The following UBTD1 variants were observed in gnomAD, a reference collection of about 807,000 sequenced individuals.
The protein encoded by UBTD1 is ubiquitin domain-containing protein 1.
Under a neutral mutation model 21.7 loss-of-function variants are expected in UBTD1, and 19 were observed. That is an observed-to-expected ratio of 0.87 (90% CI 0.61 to 1.28). The LOEUF (loss-of-function observed/expected upper bound fraction) is 1.28. Among genes scored for constraint, UBTD1 ranks in the 50% most tolerant of loss-of-function variants. The pLI is 0.00. For synonymous variants in UBTD1, 116 were observed against 135.1 expected, an observed-to-expected ratio of 0.86 and a Z score of 0.98; for missense variants, 282 against 315.1, an observed-to-expected ratio of 0.89 and a Z score of 0.80.
At chr10:97,539,723 A>G (rs11189270) in intron 1 of UBTD1, among the ~76,000 whole-genome samples, 95,612 of 152,012 alleles carry the variant, frequency 0.63, 31,086 homozygotes, top group Non-Finnish European at 0.73. Context: ...CATGGAGGGA[A>G]GTGGGGCTGT....
chr10:97,512,122 C>T (rs1360678623), intron 1 of UBTD1, among the ~76,000 whole-genome samples: 2 of 152,276 alleles, frequency 1.3e-5, no homozygotes, highest in Non-Finnish European at 1.5e-5. Flanking sequence ...TTCAGAGTGA[C>T]GGACTGAATA....
At position 97,509,673 on chromosome 10, in the gene UBTD1, C is replaced by T. The variant is rs116946878; in HGVS notation, c.70+10400C>T. Among the ~76,000 whole-genome samples the T allele has an allele frequency of 6.5e-3, 986 of 152,250 alleles. 36 individuals are homozygous for T. The East Asian group carries it at 0.091, about 14-fold the overall frequency. On this transcript the variant is annotated intron_variant, in intron 1 of 2. Coordinates refer to ENST00000370664, the MANE Select transcript of UBTD1 (RefSeq NM_024954.5). ...CCTTTTTTTTCCCCCCACCCTGAGA[C>T]GGAGTCCTGCTCTGTTGCTCAGGCT...
chr10:97,554,582 A>C (rs1382290267), intron 1 of UBTD1, among the ~76,000 whole-genome samples: 1 of 151,140 alleles, frequency 6.6e-6, no homozygotes, highest in Non-Finnish European at 1.5e-5. Flanking sequence ...ACAGGGTCTC[A>C]CTGTGTCACC....
At chr10:97,538,397 G>C (rs900603153) in intron 1 of UBTD1, among the ~76,000 whole-genome samples, 3 of 152,068 alleles carry the variant, frequency 2.0e-5, no homozygotes, top group Non-Finnish European at 4.4e-5. Flanking sequence ...TTATACATTT[G>C]TATGTTTTTA....
chr10:97,566,757 T>C (rs1344281045), intron 1 of UBTD1, among the ~76,000 whole-genome samples: 1 of 152,186 alleles, frequency 6.6e-6, no homozygotes, highest in Non-Finnish European at 1.5e-5. Flanking sequence ...CAGCCTCAGT[T>C]CTTCCACTCA....
intron 1 of UBTD1, among the ~76,000 whole-genome samples, chr10:97,537,051 C>G (rs2040566049): frequency 6.6e-6 from 1 of 152,074 alleles, no homozygotes; most frequent in African/African-American, 2.4e-5. Context: ...TGAGGGAGCC[C>G]ACTTTAGTTA....
At chr10:97,523,205 G>A (rs535039113) in intron 1 of UBTD1, among the ~76,000 whole-genome samples, 235 of 152,228 alleles carry the variant, frequency 1.5e-3, no homozygotes, top group African/African-American at 5.4e-3. Context: ...TATCTTTTGC[G>A]GGAAGTGACA....
chr10:97,543,325 A>T (rs1269499286), intron 1 of UBTD1, among the ~76,000 whole-genome samples: 1 of 152,194 alleles, frequency 6.6e-6, no homozygotes, highest in Non-Finnish European at 1.5e-5. Context: ...AGAGGAAGGG[A>T]TGAGTCAGGC....
At chr10:97,541,030 A>G (rs1358873579) in intron 1 of UBTD1, among the ~76,000 whole-genome samples, 1 of 152,088 alleles carries the variant, frequency 6.6e-6, no homozygotes, top group Non-Finnish European at 1.5e-5. Context: ...GGTAGGCATG[A>G]CGGGGTCTGG....
chr10:97,562,915 A>AT (rs2040699651), intron 1 of UBTD1, among the ~76,000 whole-genome samples: 1 of 152,082 alleles, frequency 6.6e-6, no homozygotes, highest in African/African-American at 2.4e-5. Flanking sequence ...GGCAGCGAAA[A>AT]TTTTGGGGGG....
intron 1 of UBTD1, among the ~76,000 whole-genome samples, chr10:97,509,673 CG>C (rs2040414141): frequency 1.3e-5 from 2 of 152,132 alleles, no homozygotes; most frequent in Non-Finnish European, 2.9e-5. Context: ...CACCCTGAGA[CG>C]GAGTCCTGCT....
At chr10:97,514,656 G>A (rs185124735) in intron 1 of UBTD1, among the ~76,000 whole-genome samples, 1 of 152,260 alleles carries the variant, frequency 6.6e-6, no homozygotes, top group African/African-American at 2.4e-5. Flanking sequence ...ACCGGGGCAA[G>A]GTCGTCTTAT....
intron 1 of UBTD1, among the ~76,000 whole-genome samples, chr10:97,541,722 T>C (rs2040587886): frequency 6.8e-6 from 1 of 147,668 alleles, no homozygotes; most frequent in African/African-American, 2.5e-5. Context: ...ACCTAGGTCC[T>C]CTCTGATTTT....
chr10:97,504,689 G>A (rs532459892), intron 1 of UBTD1, among the ~76,000 whole-genome samples: 7 of 152,334 alleles, frequency 4.6e-5, no homozygotes, highest in African/African-American at 1.4e-4. Context: ...GCAGTGCCTG[G>A]TAAATAGTTG....
chr10:97,550,891 C>T (rs772977920), intron 1 of UBTD1, among the ~76,000 whole-genome samples: 18 of 152,196 alleles, frequency 1.2e-4, no homozygotes, highest in Non-Finnish European at 2.5e-4. Flanking sequence ...CAAACCACAG[C>T]ATCCACCATC....
chr10:97,550,335 T>C (rs551250204), intron 1 of UBTD1, among the ~76,000 whole-genome samples: 6 of 152,314 alleles, frequency 3.9e-5, no homozygotes, highest in African/African-American at 1.4e-4. Flanking sequence ...GTGGCCTGAC[T>C]GGGGAAATCT....
chr10:97,541,581 C>T (rs2040587270), intron 1 of UBTD1, among the ~76,000 whole-genome samples: 1 of 152,182 alleles, frequency 6.6e-6, no homozygotes, highest in South Asian at 2.1e-4. Flanking sequence ...CCACACAGCA[C>T]TGCAGTCCTC....
At chr10:97,552,392 CCTTTTTTT>C (rs1564743059) in intron 1 of UBTD1, among the ~76,000 whole-genome samples, 1 of 42,854 alleles carries the variant, frequency 2.3e-5, no homozygotes, top group Non-Finnish European at 6.5e-5. Context: ...AATTATACAC[CCTTTTTTT>C]TTTTTTTTTT....
At chr10:97,563,172 T>TATTA (rs1319736426) in intron 1 of UBTD1, among the ~76,000 whole-genome samples, 2 of 151,930 alleles carry the variant, frequency 1.3e-5, no homozygotes. Flanking sequence ...GAAAAACAGG[T>TATTA]ATTAAAGGAC....
Sources: gnomAD v4.1 joint callset for allele counts (sites outside exome capture counted in the v4.1 genomes callset) on GRCh38, gnomAD v4.1.1 for gene constraint, MANE v1.5 for transcripts, NCBI Gene and HGNC (gene_info 2026-07-23, HGNC 2026-07-21) for gene names.